Variants in ACSF3 observed in about 807,000 individuals in gnomAD.
ACSF3 encodes the protein acyl-CoA synthetase family member 3, also known as malonate--CoA ligase ACSF3, mitochondrial.
In ACSF3, 78 loss-of-function variants were observed where a neutral mutation model predicts 53.2. That is an observed-to-expected ratio of 1.47 (90% CI 1.22 to 1.77). The LOEUF is 1.77. Ranked by LOEUF, ACSF3 falls within the 40% of genes most tolerant of loss-of-function variation. The probability of loss-of-function intolerance (pLI) is 0.00; values close to 1 mark genes in which losing one functional copy is unlikely to be tolerated. For synonymous variants in ACSF3, 414 were observed against 333.1 expected (o/e 1.24, Z -2.65); for missense variants, 937 against 771.1 (o/e 1.22, Z -2.55).
intron 4 of ACSF3, among the ~76,000 whole-genome samples, chr16:89,111,034 A>AT (rs1257444471): frequency 6.6e-6 from 1 of 151,878 alleles, no homozygotes; most frequent in Non-Finnish European, 1.5e-5. Flanking sequence ...CAGTTTTATG[A>AT]TTTTTTGCAG....
At chr16:89,128,835 A>T (rs761354359) in intron 7 of ACSF3, among the ~76,000 whole-genome samples, 1 of 152,136 alleles carries the variant, frequency 6.6e-6, no homozygotes, top group East Asian at 1.9e-4. Context: ...ACTTGAAAAG[A>T]GTATATATTC....
In ACSF3 at chr16:89,141,025, GA is replaced by G. The variant is rs535696808; in HGVS notation, c.1367-4239del. On this transcript the variant is annotated intron_variant, in intron 8 of 10. Coordinates refer to ENST00000614302, the MANE Select transcript of ACSF3 (RefSeq NM_001243279.3). Reference sequence around the variant, plus strand: ...GCATTTTGATAAATAGGTTGTTATGGAAAGTAAAGGTTATTTAACTTGTTTG... The same window carrying G: ...GCATTTTGATAAATAGGTTGTTATGGAAGTAAAGGTTATTTAACTTGTTTG... The G allele has an allele frequency of 2.0e-3, 2,512 of 1,235,428 alleles. 35 individuals are homozygous for G. The highest frequency in any genetic ancestry group is 0.01 in the South Asian group (765 of 75,142). The allele number at this position is 1,235,428 out of a possible 1,614,324, so 76.5% of individuals were successfully genotyped here.
chr16:89,142,750 CAG>C (rs1170340035), intron 8 of ACSF3, among the ~76,000 whole-genome samples: 1 of 150,152 alleles, frequency 6.7e-6, no homozygotes. Context: ...CCCACACCTG[CAG>C]AGACACACCC....
chr16:89,135,279 AGG>A (rs1046258922), intron 8 of ACSF3, among the ~76,000 whole-genome samples: 2 of 152,200 alleles, frequency 1.3e-5, no homozygotes, highest in African/African-American at 4.8e-5. Context: ...GGGCTCCTTG[AGG>A]GATGCTGGAA....
chr16:89,120,172 A>G (rs1368444993), intron 6 of ACSF3, among the ~76,000 whole-genome samples: 1 of 152,090 alleles, frequency 6.6e-6, no homozygotes, highest in African/African-American at 2.4e-5. Flanking sequence ...CACCCCGGCC[A>G]GTGTAAGATA....
At chr16:89,113,846 C>G in intron 5 of ACSF3, 1 of 277,676 alleles carries the variant, frequency 3.6e-6, no homozygotes. Context: ...GGCCCCACCC[C>G]TTGGGTGCCG....
chr16:89,112,559 A>G (rs1005934043), intron 5 of ACSF3, among the ~76,000 whole-genome samples: 42 of 149,722 alleles, frequency 2.8e-4, no homozygotes, highest in South Asian at 6.4e-4. Context: ...CTCTCCATCT[A>G]TCTGTCTTCT....
intron 4 of ACSF3, among the ~76,000 whole-genome samples, chr16:89,110,063 C>T (rs1025573117): frequency 2.6e-5 from 4 of 152,200 alleles, no homozygotes; most frequent in African/African-American, 7.2e-5. Flanking sequence ...CCTCCAACTG[C>T]AGCTTGTCTT....
intron 10 of ACSF3, among the ~76,000 whole-genome samples, 153 bp downstream of exon 10, chr16:89,146,202 C>T (rs1367291450): frequency 1.3e-5 from 2 of 152,290 alleles, no homozygotes; most frequent in East Asian, 3.9e-4. Context: ...CTGAAGGCCG[C>T]ACACAGCAGG....
intron 8 of ACSF3, chr16:89,136,555 C>T (rs1295446012): frequency 5.5e-6 from 7 of 1,274,990 alleles, no homozygotes; most frequent in Non-Finnish European, 7.2e-6. Context: ...GCCAGCCCCT[C>T]CTGCCACACG....
At position 89,112,234 on chromosome 16, in the gene ACSF3, A is replaced by G. The variant is rs760352896; in HGVS notation, c.965A>G (p.Glu322Gly). 6.2e-7 allele frequency: 1 copy of G among 1,614,078 alleles called. No individual in the cohort carries two copies. The highest frequency in any genetic ancestry group is 8.5e-7 in the Non-Finnish European group (1 of 1,180,026). The change falls in exon 5 of 11, where the codon GAA becomes GGA. Residue 322 changes from glutamate (E) to glycine (G), a missense_variant. Physicochemically the swap from Glu to Gly is moderately conservative, Grantham distance 98. Transcript: ENST00000614302. Reference protein sequence around the residue: ...HAQDFLRAVCEEKIRLMVSGS... With the variant: ...HAQDFLRAVCGEKIRLMVSGS... Reference sequence around the variant, plus strand: ...CAGGATTTCTTGCGTGCAGTTTGTGAAGAAAAAATTAGGTAAGTGAAAAGA... The same window carrying G: ...CAGGATTTCTTGCGTGCAGTTTGTGGAGAAAAAATTAGGTAAGTGAAAAGA...
chr16:89,106,258 A>C (rs1304875934), intron 4 of ACSF3, among the ~76,000 whole-genome samples: 1 of 149,626 alleles, frequency 6.7e-6, no homozygotes, highest in Non-Finnish European at 1.5e-5. Context: ...TTTGACACTT[A>C]CTTGGGATTT....
chr16:89,103,207 C>T (rs1303130335), intron 4 of ACSF3, among the ~76,000 whole-genome samples: 1 of 152,226 alleles, frequency 6.6e-6, no homozygotes, highest in Admixed American at 6.5e-5. Flanking sequence ...ACTGGATGAG[C>T]GGAGGTGACT....
At position 89,133,123 on chromosome 16, in the gene ACSF3, T is replaced by C; in HGVS notation, c.1240-13T>C. 2 of 1,613,416 alleles carry C rather than the reference T, an allele frequency of 1.2e-6. No homozygotes were observed. Among genetic ancestry groups the C allele is most frequent in the Non-Finnish European group, 1.7e-6 (2 of 1,179,966 alleles). On this transcript the variant is annotated splice_polypyrimidine_tract_variant and intron_variant, in intron 7 of 10. Transcript: ENST00000614302. Reference sequence around the variant, plus strand: ...TGCCCAGCTCTGACCTCCATGTTCTTCATCCTCCACAGGTGACCCCAGGGT... The same window carrying C: ...TGCCCAGCTCTGACCTCCATGTTCTCCATCCTCCACAGGTGACCCCAGGGT...
At position 89,155,776 on chromosome 16, in the gene ACSF3, A is replaced by G. The variant is rs1179576239; in HGVS notation, c.*1569A>G. The G allele has an allele frequency of 1.8e-5, 8 of 453,852 alleles. No homozygotes were observed. Among genetic ancestry groups the G allele is most frequent in the Admixed American group, 2.4e-5 (1 of 42,544 alleles). 28.1% of individuals were successfully genotyped at this position (453,852 alleles called of 1,614,324 possible). On this transcript the variant is annotated 3_prime_UTR_variant, in exon 11 of 11. Transcript: ENST00000614302. The stretch of plus-strand genomic sequence containing the variant: ...TTAATTCCACTAATTTTACATTTGC[A>G]TCTCTCTCCTTTAATCCTGAAACTT...
At chr16:89,121,324 C>T (rs1237672378) in intron 7 of ACSF3, among the ~76,000 whole-genome samples, 2 of 152,192 alleles carry the variant, frequency 1.3e-5, no homozygotes, top group Non-Finnish European at 2.9e-5. Context: ...CCCTGGCACC[C>T]GTCCTGAGGG....
At chr16:89,119,407 A>G (rs1359955485) in intron 6 of ACSF3, among the ~76,000 whole-genome samples, 1 of 152,138 alleles carries the variant, frequency 6.6e-6, no homozygotes, top group Non-Finnish European at 1.5e-5. Flanking sequence ...ACCTGGTGCC[A>G]GGTCTGGGGA....
intron 6 of ACSF3, among the ~76,000 whole-genome samples, chr16:89,117,400 T>G (rs1325331220): frequency 6.6e-6 from 1 of 152,160 alleles, no homozygotes; most frequent in Admixed American, 6.5e-5. Flanking sequence ...AGATGGACAG[T>G]GCCCCCCTAG....
intron 10 of ACSF3, among the ~76,000 whole-genome samples, chr16:89,147,266 A>G (rs200842728): frequency 2.9e-4 from 15 of 50,932 alleles, no homozygotes; most frequent in African/African-American, 3.9e-4. Flanking sequence ...AGAGTGAGTG[A>G]GGGAGGAGGG....
Sources: allele counts gnomAD v4.1 joint callset (sites outside exome capture counted in the v4.1 genomes callset), GRCh38; gene constraint gnomAD v4.1.1; transcripts MANE v1.5; gene names NCBI Gene and HGNC (gene_info 2026-07-23, HGNC 2026-07-21).